The following GPATCH1 variants were observed in gnomAD, a reference collection of about 807,000 sequenced individuals.
The protein encoded by GPATCH1 is G-patch domain containing 1.
A neutral mutation model predicts 114.9 loss-of-function variants in GPATCH1; 73 were observed. The ratio of observed to expected loss-of-function variants is 0.64; its 90% confidence interval spans 0.53 to 0.77. GPATCH1 has a LOEUF of 0.77. GPATCH1 is among the 30% of genes least tolerant of loss of function. The pLI is 0.00. For missense variants in GPATCH1, 1,058 were observed against 1,144.3 expected (o/e 0.92, Z 1.09); for synonymous variants, 391 against 428.4 (o/e 0.91, Z 1.08).
intron 17 of GPATCH1, among the ~76,000 whole-genome samples, chr19:33,122,355 C>T (rs572296137): frequency 4.1e-5 from 6 of 146,156 alleles, no homozygotes; most frequent in Admixed American, 7.0e-5. Context: ...GACGGAGTCT[C>T]GCTCTGTCAC....
intron 1 of GPATCH1, among the ~76,000 whole-genome samples, chr19:33,083,971 G>A (rs561473381): frequency 3.3e-5 from 5 of 151,972 alleles, no homozygotes; most frequent in African/African-American, 9.7e-5. Flanking sequence ...CACCATGCCC[G>A]GCTAATTTTT....
At chr19:33,108,326 GC>G (rs1306486788) in intron 10 of GPATCH1, among the ~76,000 whole-genome samples, 3 of 152,056 alleles carry the variant, frequency 2.0e-5, no homozygotes, top group African/African-American at 7.2e-5. Context: ...GCCCTGTGCG[GC>G]CCCGCCCCTG....
rs544859929 is a variant in GPATCH1 at position 33,095,269 on chromosome 19, T to G, written c.554-493T>G. On this transcript the variant is annotated intron_variant, in intron 5 of 19. Transcript: ENST00000170564. Reference sequence around the variant, plus strand: ...AGTTATCAGTGAGGTTTTTTTTTTTTTTTTTTTTTTTGAGATGGAGTTTCG... The same window carrying G: ...AGTTATCAGTGAGGTTTTTTTTTTTGTTTTTTTTTTTGAGATGGAGTTTCG... Among the ~76,000 whole-genome samples, 196 of 149,298 alleles carry G rather than the reference T, an allele frequency of 1.3e-3. 1 individual carries two copies. Among genetic ancestry groups the G allele is most frequent in the African/African-American group, 4.8e-3 (194 of 40,398 alleles).
rs1375379463 is a variant in GPATCH1 at position 33,123,176 on chromosome 19, G to A, written c.2522-1929G>A. Among the ~76,000 whole-genome samples, 9 of 151,994 alleles carry A rather than the reference G, an allele frequency of 5.9e-5. No individual in the cohort carries two copies. In the East Asian group the frequency reaches 9.6e-4, roughly 16 times the overall value. Reference sequence around the variant, plus strand: ...GCACTTTGTGGGGGCCAAGGTGGGCGGATCACCTGAGGTTGGGAGTTTGGG... The same window carrying A: ...GCACTTTGTGGGGGCCAAGGTGGGCAGATCACCTGAGGTTGGGAGTTTGGG... On this transcript the variant is annotated intron_variant, in intron 17 of 19. Coordinates refer to ENST00000170564, the MANE Select transcript of GPATCH1 (RefSeq NM_018025.3).
At chr19:33,129,302 G>T (rs1003403398) in intron 19 of GPATCH1, among the ~76,000 whole-genome samples, 1 of 151,978 alleles carries the variant, frequency 6.6e-6, no homozygotes, top group African/African-American at 2.4e-5. Context: ...GCTGGGCATG[G>T]TGGCTCATGC....
chr19:33,127,772 G>T (rs1973059847), intron 19 of GPATCH1, among the ~76,000 whole-genome samples: 1 of 151,888 alleles, frequency 6.6e-6, no homozygotes, highest in Admixed American at 6.6e-5. Context: ...GCAGTGGTGC[G>T]ATCTTGGCTC....
At chr19:33,085,320 T>TGGG (rs1972524358) in intron 1 of GPATCH1, among the ~76,000 whole-genome samples, 1 of 151,854 alleles carries the variant, frequency 6.6e-6, no homozygotes, top group South Asian at 2.1e-4. Context: ...CAAGCGATCC[T>TGGG]CCCAGCTCAG....
At chr19:33,110,504 G>A (rs1419144258) in intron 11 of GPATCH1, among the ~76,000 whole-genome samples, 1 of 152,176 alleles carries the variant, frequency 6.6e-6, no homozygotes, top group African/African-American at 2.4e-5. Context: ...TGAGGAAAGG[G>A]GTTGCTGTTG....
At chr19:33,122,154 G>C (rs1599866845) in intron 17 of GPATCH1, among the ~76,000 whole-genome samples, 2 of 151,934 alleles carry the variant, frequency 1.3e-5, no homozygotes, top group Middle Eastern at 6.8e-3. Flanking sequence ...GAGTAACTGG[G>C]ATTACAGGTG....
chr19:33,120,708 G>A (rs898710948), intron 17 of GPATCH1, among the ~76,000 whole-genome samples: 1 of 151,796 alleles, frequency 6.6e-6, no homozygotes, highest in South Asian at 2.1e-4. Flanking sequence ...TAAAAAAAAA[G>A]GGTGGGCACG....
intron 1 of GPATCH1, among the ~76,000 whole-genome samples, chr19:33,087,177 ACT>A (rs1312061809): frequency 2.6e-5 from 4 of 151,994 alleles, no homozygotes; most frequent in Non-Finnish European, 5.9e-5. Flanking sequence ...CTCCACTGTG[ACT>A]CTCACCCTTA....
At chr19:33,120,568 G>T (rs1277291736) in intron 17 of GPATCH1, among the ~76,000 whole-genome samples, 1 of 126,764 alleles carries the variant, frequency 7.9e-6, no homozygotes, top group Non-Finnish European at 1.7e-5. Flanking sequence ...AAAAAAAAAA[G>T]GTAAAAGAGG....
At chr19:33,099,932 A>G (rs10416088) in intron 8 of GPATCH1, among the ~76,000 whole-genome samples, 62,688 of 151,468 alleles carry the variant, frequency 0.41, 16,434 homozygotes, top group African/African-American at 0.73. Context: ...TACCACGCCC[A>G]GCTAATTTTT....
chr19:33,124,143 C>G (rs761827833), intron 17 of GPATCH1, among the ~76,000 whole-genome samples: 1 of 152,088 alleles, frequency 6.6e-6, no homozygotes, highest in Non-Finnish European at 1.5e-5. Context: ...CATGAGCCAC[C>G]GTTCCTGGCC....
chr19:33,095,850 T>A, intron 6 of GPATCH1, 30 bp downstream of exon 6: 1 of 1,472,782 alleles, frequency 6.8e-7, no homozygotes, highest in Non-Finnish European at 9.5e-7. Context: ...ACCTTCACTT[T>A]GGTACAACAG....
chr19:33,095,797 C>T lies in GPATCH1; in HGVS notation c.589C>T (p.Pro197Ser), dbSNP rs563529291. The part of the protein sequence containing the change: ...GVKIYGCALP[P>S]GSSEGSEGED... ...CAAAATCTATGGCTGTGCATTACCC[C>T]CTGGAAGCTCGGAAGGATCTGAGGT... Residue 197 changes from proline (P) to serine (S), a missense_variant, in exon 6 of 20, where the codon CCT becomes TCT. Pro to Ser is a moderately conservative substitution (Grantham distance 74, BLOSUM62 -1). Coordinates refer to ENST00000170564, the MANE Select transcript of GPATCH1 (RefSeq NM_018025.3). 41 of 1,611,220 alleles carry T rather than the reference C, an allele frequency of 2.5e-5. No individual in the cohort carries two copies. The highest frequency in any genetic ancestry group is 3.3e-5 in the Admixed American group (2 of 59,986).
chr19:33,105,411 C>CAAAAAAAAAAAA (rs922660129), intron 9 of GPATCH1, among the ~76,000 whole-genome samples: 1 of 58,534 alleles, frequency 1.7e-5, no homozygotes. Flanking sequence ...GACTCTGTCT[C>CAAAAAAAAAAAA]AAAAAAAAAA....
Position 33,114,248 on chromosome 19 carries a change from T to C in GPATCH1, c.2030-5T>C. On this transcript the variant is annotated splice_region_variant and splice_polypyrimidine_tract_variant and intron_variant, in intron 14 of 19. Coordinates refer to ENST00000170564, the MANE Select transcript of GPATCH1 (RefSeq NM_018025.3). ...TGGAGTTTATATCTATGTCCTGCCT[T>C]TCAGAATCAAGAAAACCATCCAGAT... is the stretch of plus-strand genomic sequence containing the variant. 6.2e-7 allele frequency: 1 copy of C among 1,606,908 alleles called. No homozygotes were observed. Among genetic ancestry groups the C allele is most frequent in the Non-Finnish European group, 8.5e-7 (1 of 1,176,838 alleles).
intron 4 of GPATCH1, 68 bp from the exon 5 acceptor site, chr19:33,094,104 G>A: frequency 1.1e-6 from 1 of 884,448 alleles, no homozygotes; most frequent in Non-Finnish European, 1.9e-6. Flanking sequence ...GAACTCAGAA[G>A]CCGCTTATTT....
Sources: gnomAD v4.1 joint callset for allele counts (sites outside exome capture counted in the v4.1 genomes callset) on GRCh38, gnomAD v4.1.1 for gene constraint, MANE v1.5 for transcripts, NCBI Gene and HGNC (gene_info 2026-07-23, HGNC 2026-07-21) for gene names.